Variants in CNST observed in about 807,000 individuals in gnomAD.
CNST encodes consortin.
In CNST, 39 loss-of-function variants were observed where a neutral mutation model predicts 72.4. The ratio of observed to expected loss-of-function variants is 0.54; its 90% CI spans 0.42 to 0.70. The LOEUF (loss-of-function observed/expected upper bound fraction) is 0.70, where lower values mean the gene tolerates loss of function less well. Ranked by LOEUF, CNST falls within the 30% of genes least tolerant of loss-of-function variation. The pLI is 0.00. For synonymous variants in CNST, 332 were observed against 320.1 expected, an observed-to-expected ratio of 1.04 and a Z score of -0.40; for missense variants, 871 against 868.5, an observed-to-expected ratio of 1.00 and a Z score of -0.04.
chr1:246,647,020 A>G (rs926173123), intron 8 of CNST, 119 bp from the exon 9 acceptor site: 3 of 906,252 alleles, frequency 3.3e-6, no homozygotes, highest in Non-Finnish European at 4.9e-6. Context: ...AACAGACAGA[A>G]TTTCCATTTG....
chr1:246,605,504 G>A (rs1187150248), intron 2 of CNST, among the ~76,000 whole-genome samples: 2 of 152,226 alleles, frequency 1.3e-5, no homozygotes, highest in Non-Finnish European at 2.9e-5. Context: ...GCGCCTGGGT[G>A]CAGACGGGCT....
At chr1:246,630,356 AC>A (rs1664699899) in intron 3 of CNST, among the ~76,000 whole-genome samples, 1 of 152,262 alleles carries the variant, frequency 6.6e-6, no homozygotes, top group Non-Finnish European at 1.5e-5. Context: ...TATTATTAGA[AC>A]AATAAGCTGG....
intron 3 of CNST, among the ~76,000 whole-genome samples, chr1:246,625,671 C>T (rs901615760): frequency 1.3e-5 from 2 of 152,086 alleles, no homozygotes; most frequent in East Asian, 1.9e-4. Context: ...CCGCCCGCCT[C>T]GGCCTCCCAA....
chr1:246,634,501 T>A lies in CNST; in HGVS notation c.732T>A (p.His244Gln). The part of the protein sequence containing the change: ...WETKWKTVQP[H>Q]TVTALRNSEK... ...CAAAATGGAAAACTGTGCAACCACA[T>A]ACAGTTACGGCTCTAAGGAATTCAG... The change falls in exon 6 of 11, where the codon CAT becomes CAA. Residue 244 changes from histidine (H) to glutamine (Q), a missense_variant. Transcript: ENST00000366513. 6.3e-7 allele frequency: 1 copy of A among 1,599,918 alleles called. No homozygotes were observed. Among genetic ancestry groups the A allele is most frequent in the Non-Finnish European group, 8.5e-7 (1 of 1,176,674 alleles).
At chr1:246,661,834 TAGAA>T in intron 10 of CNST, among the ~76,000 whole-genome samples, 1 of 152,234 alleles carries the variant, frequency 6.6e-6, no homozygotes, top group Non-Finnish European at 1.5e-5. Flanking sequence ...TTTTTACAAT[TAGAA>T]AGCTGGTTAG....
At chr1:246,639,205 G>A (rs1665516829) in intron 6 of CNST, among the ~76,000 whole-genome samples, 1 of 152,084 alleles carries the variant, frequency 6.6e-6, no homozygotes, top group African/African-American at 2.4e-5. Flanking sequence ...TAGAGAGAAA[G>A]GTTTGGTGAG....
At chr1:246,577,777 T>G (rs1340529223) in intron 1 of CNST, among the ~76,000 whole-genome samples, 1 of 152,118 alleles carries the variant, frequency 6.6e-6, no homozygotes, top group Non-Finnish European at 1.5e-5. Context: ...ATTCCATTTA[T>G]CTCATACCCA....
chr1:246,575,825 A>C (rs553372362), intron 1 of CNST, among the ~76,000 whole-genome samples: 3 of 152,356 alleles, frequency 2.0e-5, no homozygotes, highest in African/African-American at 7.2e-5. Context: ...AAGAGGAAAA[A>C]AGTAATTAGC....
chr1:246,597,510 C>T (rs993187108), intron 2 of CNST, among the ~76,000 whole-genome samples: 2 of 152,142 alleles, frequency 1.3e-5, no homozygotes, highest in Admixed American at 6.5e-5. Flanking sequence ...CGCTAGTCAC[C>T]ATAGTATCAA....
chr1:246,602,641 T>C (rs1662366444), intron 2 of CNST, among the ~76,000 whole-genome samples: 1 of 152,210 alleles, frequency 6.6e-6, no homozygotes, highest in Non-Finnish European at 1.5e-5. Context: ...AGCAGGTTAC[T>C]GGGTCCAACT....
At chr1:246,605,754 C>T (rs1282939096) in intron 2 of CNST, 1 of 120,652 alleles carries the variant, frequency 8.3e-6, no homozygotes, top group Non-Finnish European at 1.8e-5. Context: ...GGGTGCGTGT[C>T]TTCCGGCCGG....
At chr1:246,572,862 C>T (rs181996266) in intron 1 of CNST, among the ~76,000 whole-genome samples, 23 of 152,188 alleles carry the variant, frequency 1.5e-4, no homozygotes, top group Middle Eastern at 3.4e-3. Flanking sequence ...TGCACCAGGC[C>T]TGAGTTATTT....
At chr1:246,655,229 G>A (rs187941744) in intron 9 of CNST, among the ~76,000 whole-genome samples, 6 of 152,102 alleles carry the variant, frequency 3.9e-5, no homozygotes, top group Non-Finnish European at 5.9e-5. Flanking sequence ...TTTTTTAAAG[G>A]CTTTTTCCTT....
chr1:246,659,247 G>C (rs540038588), intron 9 of CNST, among the ~76,000 whole-genome samples: 72 of 152,298 alleles, frequency 4.7e-4, no homozygotes, highest in African/African-American at 1.7e-3. Flanking sequence ...AAAGTAGGCA[G>C]CACTGGCCTT....
chr1:246,573,115 A>T (rs1305665985), intron 1 of CNST, among the ~76,000 whole-genome samples: 3 of 152,190 alleles, frequency 2.0e-5, no homozygotes, highest in Non-Finnish European at 2.9e-5. Context: ...TCTTAATTCA[A>T]ATTCAGCCAT....
chr1:246,651,569 T>C (rs1322203871), intron 9 of CNST, among the ~76,000 whole-genome samples: 4 of 152,162 alleles, frequency 2.6e-5, no homozygotes, highest in Non-Finnish European at 1.5e-5. Context: ...ATTCATCAGA[T>C]CAAATGAAAT....
Position 246,591,529 on chromosome 1 carries a change from T to C in CNST, c.-34T>C, listed in dbSNP as rs1200561404. 6 of 1,611,568 alleles carry C rather than the reference T, an allele frequency of 3.7e-6. No individual in the cohort carries two copies. The highest frequency in any genetic ancestry group is 1.6e-4 in the Middle Eastern group (1 of 6,078). ...CATTGTAGACATGGAAGGTCTTTAA[T>C]GTAACTTTAAATGGTTCACCAAAGG... On this transcript the variant is annotated 5_prime_UTR_variant, in exon 2 of 11. An upstream start codon of the reference 5' UTR is lost. Coordinates refer to ENST00000366513, the MANE Select transcript of CNST (RefSeq NM_152609.3).
At chr1:246,631,336 C>T (rs751547114) in intron 3 of CNST, among the ~76,000 whole-genome samples, 2 of 152,156 alleles carry the variant, frequency 1.3e-5, no homozygotes, top group Non-Finnish European at 2.9e-5. Context: ...CTCAGCCTGG[C>T]CTTTTCTTAA....
chr1:246,623,445 A>G (rs1664216213), intron 3 of CNST, among the ~76,000 whole-genome samples: 1 of 152,154 alleles, frequency 6.6e-6, no homozygotes, highest in Non-Finnish European at 1.5e-5. Context: ...CAGGGCAAAC[A>G]GAAAATGGGA....
Sources: allele counts gnomAD v4.1 joint callset (sites outside exome capture counted in the v4.1 genomes callset), GRCh38; gene constraint gnomAD v4.1.1; transcripts MANE v1.5; gene names NCBI Gene and HGNC (gene_info 2026-07-23, HGNC 2026-07-21).